The following MED17 variants were observed in gnomAD, a reference collection of about 807,000 sequenced individuals.
MED17 encodes the protein mediator complex subunit 17, also known as mediator of RNA polymerase II transcription subunit 17.
MED17 carries 49 observed loss-of-function variants against 80.8 expected under a neutral mutation model. That is an observed-to-expected ratio of 0.61 (90% CI 0.48 to 0.77). The LOEUF (loss-of-function observed/expected upper bound fraction) is 0.77. Among genes scored for constraint, MED17 ranks in the 30% least tolerant of loss-of-function variants. The pLI, the probability that MED17 is intolerant of heterozygous loss-of-function variation, is 0.00. For missense variants in MED17, 718 were observed against 787.0 expected (o/e 0.91, Z 1.05); for synonymous variants, 281 against 280.4 (o/e 1.00, Z -0.02).
Position 93,812,156 on chromosome 11 carries a change from A to G in MED17, c.*92A>G, listed in dbSNP as rs1272741705. 1.6e-5 allele frequency: 17 copies of G among 1,052,140 alleles called. No individual in the cohort carries two copies. The highest frequency in any genetic ancestry group is 2.3e-5 in the Non-Finnish European group (16 of 681,158). 65.2% of individuals were successfully genotyped at this position (1,052,140 alleles called of 1,614,324 possible). A position where few individuals can be genotyped will look rare whatever the true frequency, so the allele number is the denominator to read the frequency against. ...TAAGCACAAAGAAGAGATAACTTCC[A>G]AAAGAGTGCTGTTTTTAAAAATAAT... On this transcript the variant is annotated 3_prime_UTR_variant, in exon 12 of 12. Coordinates refer to ENST00000251871, the MANE Select transcript of MED17 (RefSeq NM_004268.5).
intron 3 of MED17, chr11:93,793,505 C>G (rs1036840329): frequency 2.1e-6 from 1 of 478,592 alleles, no homozygotes; most frequent in African/African-American, 2.0e-5. Context: ...TGTCATTAGA[C>G]TAAGAAGTGT....
chr11:93,794,239 T>C, intron 5 of MED17: 1 of 438,120 alleles, frequency 2.3e-6, no homozygotes. Context: ...AGTTTCTCTC[T>C]TGTTGCCCAG....
intron 8 of MED17, among the ~76,000 whole-genome samples, chr11:93,799,811 A>G (rs1366698087): frequency 6.6e-6 from 1 of 152,142 alleles, no homozygotes; most frequent in Non-Finnish European, 1.5e-5. Flanking sequence ...GTATGATAAC[A>G]TGCACAGTGA....
intron 9 of MED17, among the ~76,000 whole-genome samples, chr11:93,804,045 ACG>A (rs1565293352): frequency 1.2e-5 from 1 of 85,558 alleles, no homozygotes; most frequent in African/African-American, 3.0e-5. Flanking sequence ...ACATATACAC[ACG>A]CACACACACA....
rs755576982 is a variant in MED17 at position 93,793,927 on chromosome 11, TTTTTTG to T, written c.775-15_775-10del. On this transcript the variant is annotated intron_variant, in intron 4 of 11. Coordinates refer to ENST00000251871, the MANE Select transcript of MED17 (RefSeq NM_004268.5). ...ATAGCCTGAAGTTAATTTGTTAACT[TTTTTTG>T]TTTTTGTTGTCATATAGGTTTCAAT... 5.6e-6 allele frequency: 9 copies of T among 1,613,540 alleles called. No homozygotes were observed. The South Asian group carries it at 9.9e-5, about 18-fold the overall frequency.
intron 11 of MED17, chr11:93,810,786 T>C (rs1944079007): frequency 6.6e-6 from 1 of 152,220 alleles, no homozygotes. Flanking sequence ...TTGAAGCGCT[T>C]ATGGTTTTAG....
At position 93,797,409 on chromosome 11, in the gene MED17, G is replaced by A. The variant is rs549740355; in HGVS notation, c.1144-126G>A. The A allele has an allele frequency of 3.2e-5, 29 of 914,624 alleles. No homozygotes were observed. The East Asian group carries it at 4.8e-4, about 15-fold the overall frequency. The allele number at this position is 914,624 out of a possible 1,614,324, so 56.7% of individuals were successfully genotyped here. A position where few individuals can be genotyped will look rare whatever the true frequency, so the allele number is the denominator to read the frequency against. ...GTAGTTGCTAGCATTTTTCTCCAAG[G>A]TTGGATTGTTTTCATATGTGGTTCA... On this transcript the variant is annotated intron_variant, in intron 7 of 11. Transcript: ENST00000251871.
Position 93,812,845 on chromosome 11 carries a change from A to G in MED17, c.*781A>G, listed in dbSNP as rs999075544. On this transcript the variant is annotated 3_prime_UTR_variant, in exon 12 of 12. Coordinates refer to ENST00000251871, the MANE Select transcript of MED17 (RefSeq NM_004268.5). ...TCCTCAGAAAGGACAGCTGAAGGCA[A>G]TAGGAGGCAGATTATCTCTTTAGGG... 1 of 152,278 alleles carries G rather than the reference A, an allele frequency of 6.6e-6. No individual in the cohort carries two copies. The highest frequency in any genetic ancestry group is 1.5e-5 in the Non-Finnish European group (1 of 68,154). The allele number at this position is 152,278 out of a possible 1,614,324, so 9.4% of individuals were successfully genotyped here.
intron 8 of MED17, among the ~76,000 whole-genome samples, chr11:93,800,443 A>G (rs1943950088): frequency 6.6e-6 from 1 of 152,158 alleles, no homozygotes; most frequent in Non-Finnish European, 1.5e-5. Flanking sequence ...AGCCTGGCCA[A>G]CATGGCGAAA....
intron 8 of MED17, among the ~76,000 whole-genome samples, chr11:93,799,137 A>T (rs1472484181): frequency 6.6e-6 from 1 of 151,474 alleles, no homozygotes; most frequent in South Asian, 2.1e-4. Flanking sequence ...GGAGTTTGAG[A>T]CCAGCCTGGG....
chr11:93,791,425 C>T (rs185743927), intron 3 of MED17, among the ~76,000 whole-genome samples: 111 of 152,190 alleles, frequency 7.3e-4, no homozygotes, highest in Non-Finnish European at 1.2e-3. Context: ...CTGAACATGG[C>T]GGGGTGCAGT....
At chr11:93,791,077 C>T (rs1943831335) in intron 3 of MED17, among the ~76,000 whole-genome samples, 1 of 152,160 alleles carries the variant, frequency 6.6e-6, no homozygotes, top group Non-Finnish European at 1.5e-5. Flanking sequence ...CATTGCTCTC[C>T]AGCATGGGGG....
intron 9 of MED17, among the ~76,000 whole-genome samples, chr11:93,803,192 C>T (rs1166627902): frequency 6.6e-6 from 1 of 152,146 alleles, no homozygotes; most frequent in African/African-American, 2.4e-5. Flanking sequence ...GCAAAGCATA[C>T]TGTGAAACAC....
intron 1 of MED17, among the ~76,000 whole-genome samples, chr11:93,785,604 G>T (rs1943760967): frequency 6.6e-6 from 1 of 152,208 alleles, no homozygotes; most frequent in African/African-American, 2.4e-5. Context: ...TATTTCCACA[G>T]TAATTTTTGA....
rs1944042393 is a variant in MED17 at position 93,807,826 on chromosome 11, G to C, written c.1584+191G>C. On this transcript the variant is annotated intron_variant, in intron 10 of 11. Transcript: ENST00000251871. ...GTTGGTTAACTGGAAGTACTGATAA[G>C]CTGTCCTAGGTTTTCACATAGTTTA... is the stretch of plus-strand genomic sequence containing the variant. 7 of 610,840 alleles carry C rather than the reference G, an allele frequency of 1.1e-5. No homozygotes were observed. The South Asian group carries it at 1.3e-4, about 11-fold the overall frequency. 37.8% of individuals were successfully genotyped at this position (610,840 alleles called of 1,614,324 possible).
In MED17 at chr11:93,790,831, G is replaced by A. The variant is rs748174714; in HGVS notation, c.637+38G>A. 1.1e-5 allele frequency: 17 copies of A among 1,565,410 alleles called. 1 individual carries two copies. In the Middle Eastern group the frequency reaches 2.0e-3, roughly 183 times the overall value. ...ATTAAAAACTATACTTTCTGGCCAG[G>A]TGTGGTGGCTCATGCGTGTAATCCT... On this transcript the variant is annotated intron_variant, in intron 3 of 11. Coordinates refer to ENST00000251871, the MANE Select transcript of MED17 (RefSeq NM_004268.5).
At chr11:93,791,864 G>T (rs1943839838) in intron 3 of MED17, among the ~76,000 whole-genome samples, 1 of 152,166 alleles carries the variant, frequency 6.6e-6, no homozygotes, top group Non-Finnish European at 1.5e-5. Flanking sequence ...TATGTCCTGA[G>T]TGAAGAGAAA....
intron 9 of MED17, chr11:93,806,448 A>G (rs1944026446): frequency 6.6e-6 from 1 of 152,190 alleles, no homozygotes. Flanking sequence ...TCTTGGACAT[A>G]TTACATGCTG....
At chr11:93,801,763 TTTC>T (rs201372831) in intron 8 of MED17, 69 bp from the exon 9 acceptor site, 2 of 1,446,826 alleles carry the variant, frequency 1.4e-6, no homozygotes, top group South Asian at 1.2e-5. Flanking sequence ...TTCATAAAAT[TTTC>T]GAATCATTTA....
Sources: allele counts gnomAD v4.1 joint callset (sites outside exome capture counted in the v4.1 genomes callset), GRCh38; gene constraint gnomAD v4.1.1; transcripts MANE v1.5; gene names NCBI Gene and HGNC (gene_info 2026-07-23, HGNC 2026-07-21).